GPC6: variants seen among roughly 807,000 people sequenced by gnomAD.
The protein encoded by GPC6 is glypican-6.
GPC6 carries 14 observed loss-of-function variants against 55.2 expected under a neutral mutation model. The observed-to-expected ratio is 0.25, with a 90% CI of 0.17 to 0.40. The LOEUF (loss-of-function observed/expected upper bound fraction) is 0.40. Ranked by LOEUF, GPC6 falls within the 10% of genes least tolerant of loss-of-function variation. GPC6 has a pLI of 1.00. For synonymous variants in GPC6, 278 were observed against 259.6 expected (o/e 1.07, Z -0.68); for missense variants, 641 against 708.5 (o/e 0.90, Z 1.08).
chr13:93,749,324 A>G (rs1042756165), intron 2 of GPC6, among the ~76,000 whole-genome samples: 68 of 152,024 alleles, frequency 4.5e-4, no homozygotes, highest in African/African-American at 1.5e-3. Flanking sequence ...TCTATCTTAC[A>G]CTTCCTGGAT....
intron 2 of GPC6, among the ~76,000 whole-genome samples, chr13:93,671,562 C>T (rs1423519105): frequency 1.3e-5 from 2 of 152,006 alleles, no homozygotes; most frequent in Non-Finnish European, 2.9e-5. Context: ...CCAGTGTCAC[C>T]ACCAGGAAGC....
chr13:93,656,062 A>G lies in GPC6; in HGVS notation c.319+110641A>G, dbSNP rs1594346818. Among the ~76,000 whole-genome samples the G allele has an allele frequency of 3.3e-5, 5 of 152,304 alleles. No homozygotes were observed. In the South Asian group the frequency reaches 1.0e-3, roughly 32 times the overall value. ...TTTTAAAGTACCTGAGACCTTGTCA[A>G]TTTTTTGTTAAAACTGGTTAAAGAG... On this transcript the variant is annotated intron_variant, in intron 2 of 8. Coordinates refer to ENST00000377047, the MANE Select transcript of GPC6 (RefSeq NM_005708.5).
chr13:94,061,474 AATATTC>A lies in GPC6; in HGVS notation c.877+33584_877+33589del, dbSNP rs531647729. ...GGAAGCCAGAGTTGTGGCTGCAATA[AATATTC>A]ATAACTGCTCCTGCCCAAGGAGCAA... On this transcript the variant is annotated intron_variant, in intron 4 of 8. Coordinates refer to ENST00000377047, the MANE Select transcript of GPC6 (RefSeq NM_005708.5). 2.1e-4 allele frequency among the ~76,000 whole-genome samples: 32 copies of A among 152,258 alleles called. No homozygotes were observed. The East Asian group carries it at 6.2e-3, about 29-fold the overall frequency.
intron 1 of GPC6, among the ~76,000 whole-genome samples, chr13:93,405,637 A>T (rs1227846307): frequency 6.7e-6 from 1 of 148,848 alleles, no homozygotes; most frequent in Non-Finnish European, 1.5e-5. Flanking sequence ...CTTTAACCTC[A>T]ATATAATCCT....
Position 93,324,488 on chromosome 13 carries a change from C to T in GPC6, c.160+96872C>T, listed in dbSNP as rs563931468. Among the ~76,000 whole-genome samples the T allele has an allele frequency of 5.5e-5, 8 of 146,462 alleles. No homozygotes were observed. In the East Asian group the frequency reaches 1.4e-3, roughly 25 times the overall value. ...GGGGGATGGAAACCCCATTCTTTAT[C>T]ATGTGGTTATTATGTATTACATGCT... On this transcript the variant is annotated intron_variant, in intron 1 of 8. Transcript: ENST00000377047.
chr13:93,919,987 C>A (rs1339196629), intron 3 of GPC6, among the ~76,000 whole-genome samples: 1 of 150,006 alleles, frequency 6.7e-6, no homozygotes, highest in African/African-American at 2.4e-5. Flanking sequence ...AGCATTTACA[C>A]CCTCCCTCAT....
rs934089267 is a variant in GPC6 at position 94,407,789 on chromosome 13, G to A, written c.*4572G>A. Among the ~76,000 whole-genome samples, 1 of 152,034 alleles carries A rather than the reference G, an allele frequency of 6.6e-6. No homozygotes were observed. Among genetic ancestry groups the A allele is most frequent in the Non-Finnish European group, 1.5e-5 (1 of 67,992 alleles). On this transcript the variant is annotated 3_prime_UTR_variant, in exon 9 of 9. Transcript: ENST00000377047. ...GCATTGATTTTTATACTTCTGAAAT[G>A]TTTCCATCCTCTCAGGCATGCTAAA...
chr13:94,330,403 C>A (rs948627785), intron 6 of GPC6, among the ~76,000 whole-genome samples: 4 of 152,140 alleles, frequency 2.6e-5, no homozygotes, highest in African/African-American at 9.7e-5. Context: ...AATACTGATG[C>A]CTGGGCCTCG....
At chr13:93,538,819 A>G (rs1460739356) in intron 1 of GPC6, among the ~76,000 whole-genome samples, 1 of 152,178 alleles carries the variant, frequency 6.6e-6, no homozygotes, top group East Asian at 1.9e-4. Flanking sequence ...CTCTTTATGC[A>G]CTGCCCTTAA....
At position 94,196,490 on chromosome 13, in the gene GPC6, T is replaced by G. The variant is rs148319176; in HGVS notation, c.878-89859T>G. On this transcript the variant is annotated intron_variant, in intron 4 of 8. Transcript: ENST00000377047. ...TATGTCCAAAAGTAACAACAGAAAA[T>G]ATCATTTTAAGATGCCGGGTGGTTT... Among the ~76,000 whole-genome samples the G allele has an allele frequency of 9.5e-3, 1,448 of 152,210 alleles. 14 individuals carry two copies. The highest frequency in any genetic ancestry group is 0.014 in the Non-Finnish European group (976 of 68,020).
intron 2 of GPC6, among the ~76,000 whole-genome samples, chr13:93,551,119 C>A (rs940040394): frequency 9.9e-5 from 15 of 151,996 alleles, no homozygotes; most frequent in African/African-American, 3.4e-4. Flanking sequence ...TAAAGAAGTC[C>A]CAGGACGAGA....
In GPC6 at chr13:94,017,908, C is replaced by T. The variant is rs556290252; in HGVS notation, c.712-9821C>T. ...GGCTAGGCTGGTCTTGAACTCCTGA[C>T]CTTGTGATCCACCCGCCTCAGCCTC... On this transcript the variant is annotated intron_variant, in intron 3 of 8. Transcript: ENST00000377047. 3.0e-3 allele frequency among the ~76,000 whole-genome samples: 457 copies of T among 151,970 alleles called. 3 individuals are homozygous for T. Among genetic ancestry groups the T allele is most frequent in the African/African-American group, 0.01 (435 of 41,466 alleles).
At chr13:93,865,339 C>G (rs892421032) in intron 3 of GPC6, among the ~76,000 whole-genome samples, 2 of 151,776 alleles carry the variant, frequency 1.3e-5, no homozygotes, top group East Asian at 3.9e-4. Flanking sequence ...ACTTCAAGAG[C>G]CTTTTGCCAG....
intron 2 of GPC6, among the ~76,000 whole-genome samples, chr13:93,686,690 T>C (rs747473059): frequency 1.3e-5 from 2 of 152,194 alleles, no homozygotes; most frequent in Non-Finnish European, 2.9e-5. Context: ...AAAAGAGTCA[T>C]ATATGACTAA....
chr13:94,078,798 G>T (rs74978820), intron 4 of GPC6, among the ~76,000 whole-genome samples: 2,034 of 152,042 alleles, frequency 0.013, 45 homozygotes, highest in African/African-American at 0.047. Context: ...GGCCTCATTG[G>T]TGAATTCTAC....
In GPC6 at chr13:94,005,091, C is replaced by T. The variant is rs1027461175; in HGVS notation, c.712-22638C>T. Among the ~76,000 whole-genome samples, 5 of 152,016 alleles carry T rather than the reference C, an allele frequency of 3.3e-5. No individual in the cohort carries two copies. In the East Asian group the frequency reaches 9.7e-4, roughly 29 times the overall value. ...CCAGCCCCCAAAATATCTGAATGGA[C>T]ATCAGGTACACATGGACTAATAACT... On this transcript the variant is annotated intron_variant, in intron 3 of 8. Transcript: ENST00000377047.
intron 1 of GPC6, among the ~76,000 whole-genome samples, chr13:93,488,679 G>T (rs1278899088): frequency 6.6e-6 from 1 of 152,098 alleles, no homozygotes; most frequent in African/African-American, 2.4e-5. Flanking sequence ...GTGTGAGATG[G>T]TATCTCAGTG....
intron 2 of GPC6, among the ~76,000 whole-genome samples, chr13:93,622,131 A>T (rs1878981437): frequency 6.6e-6 from 1 of 152,056 alleles, no homozygotes; most frequent in Admixed American, 6.6e-5. Flanking sequence ...GTCAAGCTAC[A>T]CTCTTATATA....
intron 4 of GPC6, among the ~76,000 whole-genome samples, chr13:94,046,331 T>C (rs981834843): frequency 7.9e-5 from 12 of 152,054 alleles, no homozygotes; most frequent in Non-Finnish European, 1.5e-4. Context: ...GTTTGTAGAA[T>C]TGCTTTTGCA....
Sources: gnomAD v4.1 joint callset for allele counts (sites outside exome capture counted in the v4.1 genomes callset) on GRCh38, gnomAD v4.1.1 for gene constraint, MANE v1.5 for transcripts, NCBI Gene and HGNC (gene_info 2026-07-23, HGNC 2026-07-21) for gene names.